The following CTNND2 variants were observed in gnomAD, a reference collection of about 807,000 sequenced individuals.
The protein encoded by CTNND2 is catenin delta-2.
A neutral mutation model predicts 144.4 loss-of-function variants in CTNND2; 22 were observed. The observed-to-expected ratio is 0.15, with a 90% confidence interval of 0.11 to 0.22. CTNND2 has a LOEUF of 0.22. Ranked by LOEUF, CTNND2 falls within the 10% of genes least tolerant of loss-of-function variation. The pLI is 1.00. For missense variants in CTNND2, 1,353 were observed against 1,618.8 expected (o/e 0.84, Z 2.82); for synonymous variants, 751 against 695.6 (o/e 1.08, Z -1.25).
At chr5:11,567,707 C>A (rs933515765) in intron 2 of CTNND2, among the ~76,000 whole-genome samples, 2 of 152,146 alleles carry the variant, frequency 1.3e-5, no homozygotes, top group Admixed American at 1.3e-4. Context: ...TTGTATCATT[C>A]ATGACTTTAT....
At chr5:11,891,014 CCAGGAGCCT>C (rs1736913942) in intron 1 of CTNND2, among the ~76,000 whole-genome samples, 1 of 152,174 alleles carries the variant, frequency 6.6e-6, no homozygotes, top group Non-Finnish European at 1.5e-5. Context: ...GGTTGGCCAG[CCAGGAGCCT>C]GCTGCAGAAA....
At chr5:10,974,183 A>G (rs550948660) in intron 21 of CTNND2, among the ~76,000 whole-genome samples, 1 of 152,232 alleles carries the variant, frequency 6.6e-6, no homozygotes, top group African/African-American at 2.4e-5. Context: ...CACTGCAGAG[A>G]GTGTTTGTCC....
chr5:11,318,909 T>C (rs187071408), intron 9 of CTNND2, among the ~76,000 whole-genome samples: 54 of 148,562 alleles, frequency 3.6e-4, no homozygotes, highest in African/African-American at 1.2e-3. Flanking sequence ...AAAAAACATA[T>C]AGAAATGTCT....
chr5:11,596,606 C>T (rs1779514391), intron 2 of CTNND2, among the ~76,000 whole-genome samples: 1 of 152,164 alleles, frequency 6.6e-6, no homozygotes, highest in South Asian at 2.1e-4. Context: ...TAACTATATA[C>T]ATGTTTTTGT....
intron 9 of CTNND2, among the ~76,000 whole-genome samples, chr5:11,289,147 T>C (rs1748053276): frequency 1.3e-5 from 2 of 152,208 alleles, no homozygotes. Context: ...CATGAGATCC[T>C]CGTGCTGTTC....
intron 3 of CTNND2, among the ~76,000 whole-genome samples, chr5:11,524,976 T>C (rs973150286): frequency 6.6e-6 from 1 of 152,204 alleles, no homozygotes. Context: ...CTTTGTATGA[T>C]AGATTTGACA....
intron 3 of CTNND2, among the ~76,000 whole-genome samples, chr5:11,555,656 T>C (rs571728938): frequency 1.9e-4 from 29 of 151,974 alleles, no homozygotes; most frequent in African/African-American, 7.0e-4. Flanking sequence ...GAAGGAATCT[T>C]AGAGGAACAA....
intron 2 of CTNND2, among the ~76,000 whole-genome samples, chr5:11,652,997 C>T (rs1000357035): frequency 6.6e-6 from 1 of 151,568 alleles, no homozygotes; most frequent in South Asian, 2.1e-4. Context: ...GCTTATTTTA[C>T]TTGGCATAAT....
chr5:11,708,072 G>A (rs540077863), intron 2 of CTNND2, among the ~76,000 whole-genome samples: 240 of 150,382 alleles, frequency 1.6e-3, no homozygotes, highest in Non-Finnish European at 2.6e-3. Flanking sequence ...TTTGAGATAG[G>A]GTCTCACTCT....
chr5:11,662,086 T>C (rs1213108328), intron 2 of CTNND2, among the ~76,000 whole-genome samples: 1 of 149,844 alleles, frequency 6.7e-6, no homozygotes. Flanking sequence ...ATAGTTCATA[T>C]ATACATATAT....
At chr5:11,713,635 C>T (rs1047209837) in intron 2 of CTNND2, among the ~76,000 whole-genome samples, 1 of 144,816 alleles carries the variant, frequency 6.9e-6, no homozygotes, top group African/African-American at 2.6e-5. Context: ...ATATAAAGGA[C>T]AGTTTTTCTC....
intron 6 of CTNND2, among the ~76,000 whole-genome samples, chr5:11,396,241 G>C (rs964282858): frequency 2.0e-5 from 3 of 152,106 alleles, no homozygotes; most frequent in African/African-American, 4.8e-5. Flanking sequence ...CTTAAAACAA[G>C]ACAGCCTTCC....
chr5:11,099,953 TAC>T (rs1452506913), intron 14 of CTNND2, among the ~76,000 whole-genome samples: 3 of 152,094 alleles, frequency 2.0e-5, no homozygotes, highest in African/African-American at 4.8e-5. Context: ...TAAATGTACT[TAC>T]AGATATTTTA....
chr5:11,347,574 A>C (rs1313549275), intron 8 of CTNND2, among the ~76,000 whole-genome samples: 1 of 152,202 alleles, frequency 6.6e-6, no homozygotes, highest in Non-Finnish European at 1.5e-5. Context: ...CTTTCATTTC[A>C]GTAGAATATG....
At chr5:11,089,207 T>C (rs1475180532) in intron 15 of CTNND2, among the ~76,000 whole-genome samples, 1 of 152,218 alleles carries the variant, frequency 6.6e-6, no homozygotes, top group Non-Finnish European at 1.5e-5. Flanking sequence ...CTTATCTCGC[T>C]TGGGTATTTG....
intron 9 of CTNND2, among the ~76,000 whole-genome samples, chr5:11,321,634 G>A (rs140843631): frequency 1.4e-3 from 210 of 152,276 alleles, no homozygotes; most frequent in African/African-American, 4.7e-3. Context: ...TAATACAGCT[G>A]CAAGAGAAAG....
chr5:11,385,878 T>C (rs1759039736), intron 6 of CTNND2: 1 of 150,038 alleles, frequency 6.7e-6, no homozygotes, highest in South Asian at 2.1e-4. Context: ...AAAAAAAATC[T>C]AGAGGAATTA....
intron 3 of CTNND2, among the ~76,000 whole-genome samples, chr5:11,475,850 TTTTG>T (rs1252382608): frequency 1.3e-5 from 2 of 151,882 alleles, no homozygotes; most frequent in African/African-American, 2.4e-5. Flanking sequence ...ACTAGTTTTG[TTTTG>T]TTTGTTTGTT....
chr5:11,699,171 C>T (rs1342359177), intron 2 of CTNND2, among the ~76,000 whole-genome samples: 1 of 152,084 alleles, frequency 6.6e-6, no homozygotes, highest in Non-Finnish European at 1.5e-5. Context: ...GTTTGCCACA[C>T]TCAATCAGAA....
Sources: gnomAD v4.1 joint callset for allele counts (sites outside exome capture counted in the v4.1 genomes callset) on GRCh38, gnomAD v4.1.1 for gene constraint, MANE v1.5 for transcripts, NCBI Gene and HGNC (gene_info 2026-07-23, HGNC 2026-07-21) for gene names.